CNTLN: variants seen among roughly 807,000 people sequenced by gnomAD.
CNTLN encodes the protein centlein.
In CNTLN, 212 loss-of-function variants were observed where a neutral mutation model predicts 180.0. The ratio of observed to expected loss-of-function variants is 1.18; its 90% CI spans 1.05 to 1.32. The LOEUF is 1.32. CNTLN is among the 40% of genes most tolerant of loss of function. CNTLN has a pLI of 0.00. For synonymous variants in CNTLN, 722 were observed against 563.1 expected (o/e 1.28, Z -3.99); for missense variants, 2,095 against 1,610.9 (o/e 1.30, Z -5.14).
rs146930553 is a variant in CNTLN at position 17,393,516 on chromosome 9, C to T, written c.2080-1018C>T. On this transcript the variant is annotated intron_variant, in intron 14 of 25. Transcript: ENST00000380647. ...GCCTTGTTGAATAGTGGGAAGGGCACAAAATCCTGAATTTGGATCCCAGTT... is the reference window on the plus strand; with the variant it reads ...GCCTTGTTGAATAGTGGGAAGGGCATAAAATCCTGAATTTGGATCCCAGTT... Among the ~76,000 whole-genome samples the T allele has an allele frequency of 1.9e-3, 293 of 152,174 alleles. 2 individuals carry two copies. The highest frequency in any genetic ancestry group is 6.7e-3 in the African/African-American group (277 of 41,542).
At position 17,309,193 on chromosome 9, in the gene CNTLN, G is replaced by C; in HGVS notation, c.1282G>C (p.Glu428Gln). Residue 428 changes from glutamate to glutamine, a missense_variant, in exon 8 of 26, where the codon GAA becomes CAA. Transcript: ENST00000380647. ...ENAKLKEKLQ[E>Q]SQGAPLPLPQ... ...TGCTAAGTTAAAAGAAAAACTTCAGGAATCACAGGGAGCACCTCTTCCTTT... is the reference window on the plus strand; with the variant it reads ...TGCTAAGTTAAAAGAAAAACTTCAGCAATCACAGGGAGCACCTCTTCCTTT... 1.2e-6 allele frequency: 2 copies of C among 1,609,142 alleles called. No homozygotes were observed. Among genetic ancestry groups the C allele is most frequent in the Non-Finnish European group, 1.7e-6 (2 of 1,177,058 alleles).
downstream of CNTLN, among the ~76,000 whole-genome samples, chr9:17,504,750 C>A (rs912847290): frequency 6.6e-6 from 1 of 152,028 alleles, no homozygotes; most frequent in Non-Finnish European, 1.5e-5. Flanking sequence ...CGGCCATGAG[C>A]CAAAGGATGT....
At chr9:17,383,007 C>T (rs1324683804) in intron 13 of CNTLN, among the ~76,000 whole-genome samples, 2 of 152,066 alleles carry the variant, frequency 1.3e-5, no homozygotes, top group South Asian at 2.1e-4. Flanking sequence ...TTGCAGGTTC[C>T]ATGTAGAAAA....
chr9:17,304,736 TTAA>T (rs1305692270), intron 7 of CNTLN, among the ~76,000 whole-genome samples: 2 of 152,104 alleles, frequency 1.3e-5, no homozygotes, highest in African/African-American at 4.8e-5. Flanking sequence ...ACAATAAAAA[TTAA>T]TAAGAAAAAG....
Position 17,416,070 on chromosome 9 carries a change from C to T in CNTLN, c.2995C>T (p.Gln999Ter). Residue 999 changes from glutamine (Q) to a stop codon, truncating the protein, a stop_gained, in exon 18 of 26, where the codon CAG becomes TAG. Transcript: ENST00000380647. LOFTEE classifies it high-confidence loss of function. ...CTTGCAACAACAAAACAGTGTACTT[C>T]AGAATGCCAAGAAAACAGCAGAATT... ...ISLQQQNSVL[Q>*]NAKKTAELSV... The T allele has an allele frequency of 1.2e-6, 2 of 1,613,522 alleles. No individual in the cohort carries two copies. Among genetic ancestry groups the T allele is most frequent in the East Asian group, 2.2e-5 (1 of 44,784 alleles).
intron 5 of CNTLN, among the ~76,000 whole-genome samples, chr9:17,271,742 T>C (rs995322938): frequency 8.5e-5 from 13 of 152,168 alleles, no homozygotes; most frequent in African/African-American, 3.1e-4. Flanking sequence ...ACAGGTCCTG[T>C]CATTTTTACC....
Position 17,135,133 on chromosome 9 carries a change from C to T in CNTLN, c.68C>T (p.Pro23Leu). 1.9e-6 allele frequency: 3 copies of T among 1,607,664 alleles called. No individual in the cohort carries two copies. The South Asian group carries it at 3.3e-5, about 18-fold the overall frequency. Reference sequence around the variant, plus strand: ...GCGCGACAGCTGGGCCCCAGGTCCCCACGTGTTGGGCGGGGAGCTGAAGTA... The same window carrying T: ...GCGCGACAGCTGGGCCCCAGGTCCCTACGTGTTGGGCGGGGAGCTGAAGTA... ...PPARQLGPRS[P>L]RVGRGAEVHA... The change falls in exon 1 of 26, where the codon CCA (proline) becomes CTA (leucine). Residue 23 changes from proline (P) to leucine (L), a missense_variant. Coordinates refer to ENST00000380647, the MANE Select transcript of CNTLN (RefSeq NM_017738.4).
intron 12 of CNTLN, among the ~76,000 whole-genome samples, chr9:17,356,063 C>CAAAAAA (rs71492915): frequency 1.0e-4 from 2 of 19,580 alleles, no homozygotes; most frequent in East Asian, 1.3e-3. Context: ...GACTCCATCT[C>CAAAAAA]AAAAAAAAAA....
intron 15 of CNTLN, among the ~76,000 whole-genome samples, chr9:17,396,224 G>C (rs1159855335): frequency 1.3e-5 from 2 of 152,156 alleles, no homozygotes; most frequent in Non-Finnish European, 2.9e-5. Flanking sequence ...CTCTGTCTAT[G>C]GAATAGCCAT....
At chr9:17,154,524 TGG>T (rs958357491) in intron 2 of CNTLN, among the ~76,000 whole-genome samples, 2 of 152,164 alleles carry the variant, frequency 1.3e-5, no homozygotes, top group African/African-American at 4.8e-5. Context: ...TTCGACCCAG[TGG>T]GGCACCTGCC....
At chr9:17,315,088 C>A (rs1415251818) in intron 8 of CNTLN, among the ~76,000 whole-genome samples, 1 of 151,966 alleles carries the variant, frequency 6.6e-6, no homozygotes, top group African/African-American at 2.4e-5. Flanking sequence ...TCCCTTTATT[C>A]TTTTGTGCAA....
intron 1 of CNTLN, among the ~76,000 whole-genome samples, chr9:17,142,403 C>G (rs1404471885): frequency 6.6e-6 from 1 of 152,046 alleles, no homozygotes; most frequent in Non-Finnish European, 1.5e-5. Flanking sequence ...ATGGCAGTAT[C>G]AATTTCTGGG....
intron 2 of CNTLN, among the ~76,000 whole-genome samples, chr9:17,204,566 G>C (rs1274447709): frequency 2.0e-5 from 3 of 152,100 alleles, no homozygotes; most frequent in Non-Finnish European, 4.4e-5. Context: ...GAGGGACACC[G>C]GCCTGATGCC....
In CNTLN at chr9:17,409,433, T is replaced by G. The variant is rs1453976041; in HGVS notation, c.2756T>G (p.Ile919Arg). Reference sequence around the variant, plus strand: ...GACAGCCAAACACAAGGAAAAGAAATAGTACAGACATATTTAAATATAGAT... The same window carrying G: ...GACAGCCAAACACAAGGAAAAGAAAGAGTACAGACATATTTAAATATAGAT... ...TEDSQTQGKEIVQTYLNIDGK... is the reference protein window; with the variant it reads ...TEDSQTQGKERVQTYLNIDGK... The change falls in exon 16 of 26, where the codon ATA (isoleucine) becomes AGA (arginine). Residue 919 changes from isoleucine (I) to arginine (R), a missense_variant. By Grantham distance (97) the Ile-to-Arg change is moderately conservative (BLOSUM62 -3). Transcript: ENST00000380647. The G allele has an allele frequency of 1.9e-6, 3 of 1,612,388 alleles. No homozygotes were observed. Among genetic ancestry groups the G allele is most frequent in the African/African-American group, 2.7e-5 (2 of 74,698 alleles).
At chr9:17,328,584 A>C (rs1210594383) in intron 8 of CNTLN, among the ~76,000 whole-genome samples, 1 of 152,206 alleles carries the variant, frequency 6.6e-6, no homozygotes, top group Non-Finnish European at 1.5e-5. Flanking sequence ...TCTTGTAAAC[A>C]TGTCTGTAAC....
chr9:17,499,908 A>G (rs1418125563), intron 25 of CNTLN, among the ~76,000 whole-genome samples: 1 of 152,152 alleles, frequency 6.6e-6, no homozygotes, highest in East Asian at 1.9e-4. Flanking sequence ...AGAGGAAAAT[A>G]TTGTCAATTG....
At chr9:17,342,539 T>A (rs561896972) in intron 12 of CNTLN, 95 bp downstream of exon 12, 19 of 1,145,044 alleles carry the variant, frequency 1.7e-5, no homozygotes, top group Admixed American at 3.0e-5. Context: ...TTTATAAAAT[T>A]TGAAATAATC....
rs763630151 is a variant in CNTLN, at chr9:17,466,721, C to G, written c.3685C>G (p.Leu1229Val). 1 of 1,609,056 alleles carries G rather than the reference C, an allele frequency of 6.2e-7. No homozygotes were observed. Among genetic ancestry groups the G allele is most frequent in the Admixed American group, 1.7e-5 (1 of 59,528 alleles). ...TCTTTTGCAGGATCTCAAGCTTACT[C>G]TCCTAGTATCAAGAATAAGTGAGAC... ...ELEKKDLKLT[L>V]LVSRISETES... The change falls in exon 23 of 26, where the codon CTC becomes GTC. Residue 1229 changes from leucine (L) to valine (V), a missense_variant. Coordinates refer to ENST00000380647, the MANE Select transcript of CNTLN (RefSeq NM_017738.4).
downstream of CNTLN, chr9:17,504,017 C>G (rs1833876924): frequency 6.6e-6 from 1 of 152,400 alleles, no homozygotes; most frequent in African/African-American, 2.4e-5. Context: ...GTGCTTCTCT[C>G]CTGCTTGGAA....
Sources: allele counts gnomAD v4.1 joint callset (sites outside exome capture counted in the v4.1 genomes callset), GRCh38; gene constraint gnomAD v4.1.1; transcripts MANE v1.5; gene names NCBI Gene and HGNC (gene_info 2026-07-23, HGNC 2026-07-21).